Variants in UNC13C observed in about 807,000 individuals in gnomAD.
The protein encoded by UNC13C is protein unc-13 homolog C.
In UNC13C, 174 loss-of-function variants were observed where a neutral mutation model predicts 245.4. The observed-to-expected ratio is 0.71, with a 90% CI of 0.63 to 0.80. The LOEUF is 0.80. Ranked by LOEUF, UNC13C falls within the 30% of genes least tolerant of loss-of-function variation. UNC13C has a pLI of 0.00. For missense variants in UNC13C, 2,829 were observed against 2,602.9 expected, an observed-to-expected ratio of 1.09 and a Z score of -1.89; for synonymous variants, 992 against 895.1, an observed-to-expected ratio of 1.11 and a Z score of -1.93.
intron 2 of UNC13C, among the ~76,000 whole-genome samples, chr15:54,039,118 A>C (rs1183806900): frequency 6.6e-6 from 1 of 152,190 alleles, no homozygotes; most frequent in Non-Finnish European, 1.5e-5. Context: ...CCCCTCCTGC[A>C]TTCAGATTAT....
chr15:53,987,339 A>G (rs1018333602), intron 1 of UNC13C, among the ~76,000 whole-genome samples: 38 of 152,126 alleles, frequency 2.5e-4, no homozygotes, highest in East Asian at 1.2e-3. Context: ...TATATGGATT[A>G]TTTGCCTTGG....
At chr15:53,945,675 C>T in the UNC13C span, among the ~76,000 whole-genome samples, 3 of 151,896 alleles carry the variant, frequency 2.0e-5, no homozygotes, top group Admixed American at 1.3e-4. Context: ...AGTCAGGTAG[C>T]GTGATGCCAC....
chr15:54,008,368 G>A (rs1185934233), intron 1 of UNC13C, among the ~76,000 whole-genome samples: 1 of 152,106 alleles, frequency 6.6e-6, no homozygotes, highest in Non-Finnish European at 1.5e-5. Flanking sequence ...TACAATTATT[G>A]TGAGAATGAA....
At chr15:54,006,670 T>C (rs949744783) in intron 1 of UNC13C, among the ~76,000 whole-genome samples, 43 of 152,320 alleles carry the variant, frequency 2.8e-4, no homozygotes, top group African/African-American at 8.9e-4. Flanking sequence ...AAAGACATTC[T>C]AGAGGATGCT....
chr15:54,087,802 T>C (rs1158466028), intron 2 of UNC13C, among the ~76,000 whole-genome samples: 1 of 152,218 alleles, frequency 6.6e-6, no homozygotes, highest in Non-Finnish European at 1.5e-5. Flanking sequence ...AAGCTCATTT[T>C]CAACAGTTAC....
intron 4 of UNC13C, among the ~76,000 whole-genome samples, chr15:54,233,080 C>T (rs1255748666): frequency 6.6e-6 from 1 of 152,072 alleles, no homozygotes; most frequent in Non-Finnish European, 1.5e-5. Flanking sequence ...ACTCCACAGT[C>T]TCTTGACATT....
chr15:54,386,757 A>G (rs1487323536), intron 17 of UNC13C, among the ~76,000 whole-genome samples: 3 of 152,154 alleles, frequency 2.0e-5, no homozygotes, highest in African/African-American at 4.8e-5. Flanking sequence ...TTGAATTGTA[A>G]TGAGTTGAAA....
At chr15:54,413,334 A>C (rs1025137827) in intron 18 of UNC13C, among the ~76,000 whole-genome samples, 1 of 152,076 alleles carries the variant, frequency 6.6e-6, no homozygotes, top group African/African-American at 2.4e-5. Context: ...TAAAATAGCT[A>C]AGCAATTTTG....
intron 32 of UNC13C, among the ~76,000 whole-genome samples, chr15:54,625,750 A>C (rs1901098746): frequency 6.6e-6 from 1 of 152,146 alleles, no homozygotes; most frequent in African/African-American, 2.4e-5. Context: ...GGGTCCTAAT[A>C]GATCACATTC....
chr15:54,385,945 A>G (rs1409376417), intron 17 of UNC13C, among the ~76,000 whole-genome samples: 1 of 152,214 alleles, frequency 6.6e-6, no homozygotes, highest in South Asian at 2.1e-4. Context: ...CTCAAACTGC[A>G]AATGAGTGCT....
chr15:54,244,500 C>A (rs73411949), intron 7 of UNC13C, among the ~76,000 whole-genome samples: 21,852 of 152,072 alleles, frequency 0.14, 1,890 homozygotes, highest in African/African-American at 0.22. Context: ...TCTTCTAATT[C>A]TGTGGAAAAT....
At chr15:54,023,887 C>T (rs1015459559) in intron 2 of UNC13C, among the ~76,000 whole-genome samples, 2 of 152,078 alleles carry the variant, frequency 1.3e-5, no homozygotes, top group Non-Finnish European at 2.9e-5. Context: ...ATGTCAAAAC[C>T]TCAGATGAAT....
intron 24 of UNC13C, among the ~76,000 whole-genome samples, chr15:54,515,496 G>T (rs1184871581): frequency 6.6e-6 from 1 of 152,030 alleles, no homozygotes; most frequent in African/African-American, 2.4e-5. Context: ...CCCATGAAAA[G>T]GACTTATCAT....
chr15:54,297,062 T>G (rs1351414614), intron 11 of UNC13C, among the ~76,000 whole-genome samples: 1 of 152,244 alleles, frequency 6.6e-6, no homozygotes, highest in Non-Finnish European at 1.5e-5. Flanking sequence ...ATTAACATTT[T>G]GTTATAAACC....
intron 19 of UNC13C, among the ~76,000 whole-genome samples, chr15:54,437,936 A>G (rs1001433734): frequency 6.6e-6 from 1 of 151,952 alleles, no homozygotes; most frequent in Non-Finnish European, 1.5e-5. Flanking sequence ...TGTCATTCCT[A>G]TGTCCTTTAA....
At chr15:54,056,823 A>C (rs1455321067) in intron 2 of UNC13C, among the ~76,000 whole-genome samples, 3 of 152,238 alleles carry the variant, frequency 2.0e-5, no homozygotes, top group African/African-American at 4.8e-5. Flanking sequence ...CTTAAAGAAA[A>C]GAATTTTCAA....
Position 54,329,134 on chromosome 15 carries a change from T to G in UNC13C, c.4426-2909T>G, listed in dbSNP as rs145807032. Among the ~76,000 whole-genome samples, 791 of 150,618 alleles carry G rather than the reference T, an allele frequency of 5.3e-3. 16 individuals carry two copies. The highest frequency in any genetic ancestry group is 3.3e-3 in the Non-Finnish European group (227 of 67,776). ...TTTACCTTTTATTTATTTTAAAAAT[T>G]TATTTAAATTTCTAATTGGATACGT... On this transcript the variant is annotated intron_variant, in intron 14 of 32. Coordinates refer to ENST00000260323, the MANE Select transcript of UNC13C (RefSeq NM_001080534.3).
chr15:54,454,092 G>A (rs183498605), intron 19 of UNC13C, among the ~76,000 whole-genome samples: 20 of 150,702 alleles, frequency 1.3e-4, no homozygotes, highest in Admixed American at 1.3e-3. Flanking sequence ...AACATGTATT[G>A]GTACTTTATT....
chr15:54,399,403 A>C (rs954184508), intron 18 of UNC13C, among the ~76,000 whole-genome samples: 5 of 151,822 alleles, frequency 3.3e-5, no homozygotes, highest in Non-Finnish European at 7.4e-5. Context: ...ATTTCTAAAT[A>C]TTCATAAAAT....
Sources: allele counts gnomAD v4.1 joint callset (sites outside exome capture counted in the v4.1 genomes callset), GRCh38; gene constraint gnomAD v4.1.1; transcripts MANE v1.5; gene names NCBI Gene and HGNC (gene_info 2026-07-23, HGNC 2026-07-21).